GPC5: variants seen among roughly 807,000 people sequenced by gnomAD.
GPC5 encodes the protein glypican 5.
A neutral mutation model predicts 53.9 loss-of-function variants in GPC5; 47 were observed. That is an observed-to-expected ratio of 0.87 (90% CI 0.69 to 1.11). The LOEUF is 1.11. GPC5 is among the 50% of genes most tolerant of loss of function. The pLI, the probability that GPC5 is intolerant of heterozygous loss-of-function variation, is 0.00. For missense variants in GPC5, 748 were observed against 713.1 expected (o/e 1.05, Z -0.56); for synonymous variants, 286 against 263.3 (o/e 1.09, Z -0.84).
chr13:91,464,650 A>G (rs111927706), intron 2 of GPC5, among the ~76,000 whole-genome samples: 519 of 152,272 alleles, frequency 3.4e-3, no homozygotes, highest in African/African-American at 0.012. Flanking sequence ...ATGGAGAAAG[A>G]TAAGTTGTGG....
chr13:92,707,520 A>G (rs1348246157), intron 7 of GPC5, among the ~76,000 whole-genome samples: 1 of 152,022 alleles, frequency 6.6e-6, no homozygotes, highest in Non-Finnish European at 1.5e-5. Flanking sequence ...AATAGCACAG[A>G]TTTGCTATGT....
intron 6 of GPC5, among the ~76,000 whole-genome samples, chr13:91,961,493 A>G (rs1158173115): frequency 1.3e-5 from 2 of 151,954 alleles, no homozygotes; most frequent in Non-Finnish European, 2.9e-5. Context: ...GAGTGTAAAT[A>G]CGTGTAAACT....
At chr13:91,410,969 C>T (rs186990453) in intron 1 of GPC5, among the ~76,000 whole-genome samples, 5 of 151,906 alleles carry the variant, frequency 3.3e-5, no homozygotes, top group African/African-American at 7.3e-5. Context: ...ATTAGCTGGG[C>T]GTAGTGGCAC....
chr13:92,442,777 T>A (rs2139387823), intron 7 of GPC5, among the ~76,000 whole-genome samples: 1 of 152,136 alleles, frequency 6.6e-6, no homozygotes, highest in Non-Finnish European at 1.5e-5. Flanking sequence ...TGCATAAGAG[T>A]ATCAGGTCTA....
chr13:92,388,304 TCTG>T (rs1260699214), intron 7 of GPC5, among the ~76,000 whole-genome samples: 1 of 152,070 alleles, frequency 6.6e-6, no homozygotes, highest in Non-Finnish European at 1.5e-5. Flanking sequence ...GATTTCTATA[TCTG>T]ATATTTTTGC....
At chr13:92,737,760 CTTTTTCTTTTTTTTTT>C (rs1368398263) in intron 7 of GPC5, among the ~76,000 whole-genome samples, 1 of 62,494 alleles carries the variant, frequency 1.6e-5, no homozygotes, top group African/African-American at 5.3e-5. Context: ...TTTTTTTTTT[CTTTTTCTTTTTTTTTT>C]TTTTTTTGAG....
intron 7 of GPC5, among the ~76,000 whole-genome samples, chr13:92,665,320 T>A (rs151305288): frequency 4.0e-3 from 604 of 152,178 alleles, no homozygotes; most frequent in Admixed American, 7.7e-3. Context: ...AAAAATAAAA[T>A]CCTTATGGTC....
chr13:92,109,775 A>G (rs12427528), intron 6 of GPC5, among the ~76,000 whole-genome samples: 65,661 of 152,006 alleles, frequency 0.43, 14,462 homozygotes, highest in Admixed American at 0.49. Context: ...TTGATTAATC[A>G]ATAAAAATAA....
At chr13:91,541,579 T>C (rs1168402555) in intron 2 of GPC5, among the ~76,000 whole-genome samples, 1 of 152,068 alleles carries the variant, frequency 6.6e-6, no homozygotes, top group Non-Finnish European at 1.5e-5. Flanking sequence ...CTTAAAGAGG[T>C]ATTTTCACCT....
intron 2 of GPC5, among the ~76,000 whole-genome samples, chr13:91,655,333 G>A (rs939120034): frequency 6.6e-6 from 1 of 151,966 alleles, no homozygotes; most frequent in African/African-American, 2.4e-5. Context: ...ACTAAAATTT[G>A]TGAACAATCT....
intron 6 of GPC5, among the ~76,000 whole-genome samples, chr13:92,046,644 A>G (rs2040984145): frequency 6.6e-6 from 1 of 152,182 alleles, no homozygotes; most frequent in African/African-American, 2.4e-5. Context: ...GAGTGCTTCC[A>G]TTATTCTGCT....
At chr13:91,801,008 C>T (rs969546614) in intron 5 of GPC5, among the ~76,000 whole-genome samples, 1 of 152,078 alleles carries the variant, frequency 6.6e-6, no homozygotes, top group Non-Finnish European at 1.5e-5. Context: ...AAGGCTTAGA[C>T]AATCTACATG....
rs1469502340 is a variant in GPC5, at chr13:91,586,759, A to G, written c.326-106428A>G. Among the ~76,000 whole-genome samples, 3 of 150,366 alleles carry G rather than the reference A, an allele frequency of 2.0e-5. No individual in the cohort carries two copies. The East Asian group carries it at 5.9e-4, about 30-fold the overall frequency. On this transcript the variant is annotated intron_variant, in intron 2 of 7. Coordinates refer to ENST00000377067, the MANE Select transcript of GPC5 (RefSeq NM_004466.6). ...AGATTTGGGTGGGGACACAGAGCCA[A>G]ACCATATCAACAAGTCTTGAGTTAT...
At position 92,077,326 on chromosome 13, in the gene GPC5, A is replaced by G. The variant is rs59822562; in HGVS notation, c.1402-67504A>G. On this transcript the variant is annotated intron_variant, in intron 6 of 7. Coordinates refer to ENST00000377067, the MANE Select transcript of GPC5 (RefSeq NM_004466.6). ...TTGACTCTTCATCAACACCTGTTCT[A>G]TTGAATGAACTGGATTTCCACTGTT... 2.1e-3 allele frequency among the ~76,000 whole-genome samples: 319 copies of G among 152,300 alleles called. 1 individual carries two copies. Among genetic ancestry groups the G allele is most frequent in the African/African-American group, 7.3e-3 (305 of 41,562 alleles).
At chr13:92,634,687 G>T (rs1380066408) in intron 7 of GPC5, among the ~76,000 whole-genome samples, 3 of 151,760 alleles carry the variant, frequency 2.0e-5, no homozygotes, top group Non-Finnish European at 4.4e-5. Context: ...TGTACCTGGG[G>T]TATACATTTT....
chr13:91,463,631 G>A (rs998655966), intron 2 of GPC5, among the ~76,000 whole-genome samples: 3 of 152,040 alleles, frequency 2.0e-5, no homozygotes, highest in African/African-American at 7.2e-5. Context: ...ACCCACAACA[G>A]ACCTACACAA....
At chr13:92,371,008 G>A (rs1224602572) in intron 7 of GPC5, among the ~76,000 whole-genome samples, 2 of 151,962 alleles carry the variant, frequency 1.3e-5, no homozygotes, top group Non-Finnish European at 2.9e-5. Context: ...AATTAGCTGG[G>A]TGTGGTGTTA....
At chr13:91,811,668 GA>G (rs2038314212) in intron 5 of GPC5, among the ~76,000 whole-genome samples, 1 of 152,052 alleles carries the variant, frequency 6.6e-6, no homozygotes, top group East Asian at 1.9e-4. Flanking sequence ...ACTTCTTGTG[GA>G]AATTACATTA....
intron 5 of GPC5, among the ~76,000 whole-genome samples, chr13:91,890,223 T>C (rs1262193921): frequency 6.6e-6 from 1 of 152,196 alleles, no homozygotes; most frequent in East Asian, 1.9e-4. Context: ...TTGCAGTCTT[T>C]CGTGGTAGTT....
Sources: allele counts gnomAD v4.1 joint callset (sites outside exome capture counted in the v4.1 genomes callset), GRCh38; gene constraint gnomAD v4.1.1; transcripts MANE v1.5; gene names NCBI Gene and HGNC (gene_info 2026-07-23, HGNC 2026-07-21).